Variants in PCDHA10 observed in about 807,000 individuals in gnomAD.
The protein encoded by PCDHA10 is protocadherin alpha-10.
Under a neutral mutation model 61.2 loss-of-function variants are expected in PCDHA10, and 45 were observed. The observed-to-expected ratio is 0.74, with a 90% CI of 0.58 to 0.94. PCDHA10 has a LOEUF of 0.94. Among genes scored for constraint, PCDHA10 ranks in the 40% least tolerant of loss-of-function variants. The pLI, the probability that PCDHA10 is intolerant of heterozygous loss-of-function variation, is 0.00. For synonymous variants in PCDHA10, 602 were observed against 548.8 expected (o/e 1.10, Z -1.35); for missense variants, 1,278 against 1,236.2 (o/e 1.03, Z -0.51).
At chr5:140,886,276 A>T (rs1352172114) in intron 1 of PCDHA10, among the ~76,000 whole-genome samples, 3 of 152,062 alleles carry the variant, frequency 2.0e-5, no homozygotes, top group Admixed American at 1.3e-4. Flanking sequence ...AAAATTTTTT[A>T]AAATTATTTT....
rs183812467 is a variant in PCDHA10, at chr5:140,921,187, A to G, written c.2389-57762A>G. Among the ~76,000 whole-genome samples the G allele has an allele frequency of 1.1e-3, 174 of 152,102 alleles. 2 individuals carry two copies. Among genetic ancestry groups the G allele is most frequent in the Non-Finnish European group, 2.1e-4 (14 of 68,012 alleles). ...AACACACATAAAGCACAGTTTTTTC[A>G]CAATAGATTGACAACGATAATTCAC... On this transcript the variant is annotated intron_variant, in intron 1 of 3. Transcript: ENST00000307360.
intron 3 of PCDHA10, among the ~76,000 whole-genome samples, chr5:141,002,223 T>C (rs2098066619): frequency 6.6e-6 from 1 of 151,974 alleles, no homozygotes. Flanking sequence ...AAATGATGGG[T>C]TTTCTGGAAG....
intron 1 of PCDHA10, chr5:140,929,690 C>T (rs921103809): frequency 1.4e-5 from 4 of 278,364 alleles, no homozygotes; most frequent in Non-Finnish European, 2.8e-5. Context: ...TAAGAGTCTG[C>T]TTTATATGAA....
At position 140,869,840 on chromosome 5, in the gene PCDHA10, A is replaced by T. The variant is rs782569950; in HGVS notation, c.2388+11404A>T. 9 of 1,611,616 alleles carry T rather than the reference A, an allele frequency of 5.6e-6. No homozygotes were observed. The Admixed American group carries it at 1.5e-4, about 27-fold the overall frequency. On this transcript the variant is annotated intron_variant, in intron 1 of 3. Transcript: ENST00000307360. The stretch of plus-strand genomic sequence containing the variant: ...AATGATCCAGAGTTTGATAAATCAG[A>T]ATATAAGGTGAGCCTTATGGAAAAT...
intron 1 of PCDHA10, among the ~76,000 whole-genome samples, chr5:140,963,688 G>A (rs185853589): frequency 5.9e-5 from 9 of 152,274 alleles, no homozygotes; most frequent in Admixed American, 5.9e-4. Context: ...GTTTATCCGT[G>A]TTTGATATCT....
chr5:140,924,901 A>AAAATAAAAT (rs1554202314), intron 1 of PCDHA10, among the ~76,000 whole-genome samples: 2 of 80,456 alleles, frequency 2.5e-5, no homozygotes, highest in African/African-American at 8.6e-5. Context: ...TCTCAAAAAA[A>AAAATAAAAT]AAAATAAAAT....
At chr5:140,994,704 CA>C (rs1294993555) in intron 3 of PCDHA10, among the ~76,000 whole-genome samples, 1 of 150,730 alleles carries the variant, frequency 6.6e-6, no homozygotes, top group Non-Finnish European at 1.5e-5. Flanking sequence ...GACCCTGTCT[CA>C]AAAAAAAATT....
chr5:140,870,190 C>T (rs1554163883), intron 1 of PCDHA10: 15 of 1,614,174 alleles, frequency 9.3e-6, no homozygotes, highest in Non-Finnish European at 1.1e-5. Flanking sequence ...AGAGGACGCT[C>T]AGCCCAGCAC....
chr5:140,988,622 ATGTCCTGGTTTTC>A (rs2097306090), intron 3 of PCDHA10, among the ~76,000 whole-genome samples: 1 of 152,124 alleles, frequency 6.6e-6, no homozygotes, highest in Non-Finnish European at 1.5e-5. Context: ...TAGAATGGAG[ATGTCCTGGTTTTC>A]TGAAATTAAA....
rs994477615 is a variant in PCDHA10 at position 140,861,542 on chromosome 5, C to T, written c.2388+3106C>T. On this transcript the variant is annotated intron_variant, in intron 1 of 3. Coordinates refer to ENST00000307360, the MANE Select transcript of PCDHA10 (RefSeq NM_018901.4). ...GGAGGATCTCGGAGTGCAGCATCCA[C>T]CTGGAAGTGATCGTGGACAAGCTGC... is the stretch of plus-strand genomic sequence containing the variant. The T allele has an allele frequency of 4.0e-5, 17 of 424,962 alleles. No homozygotes were observed. In the East Asian group the frequency reaches 1.2e-3, roughly 30 times the overall value. The allele number at this position is 424,962 out of a possible 1,614,324, so 26.3% of individuals were successfully genotyped here.
chr5:140,871,543 T>A (rs2053164172), intron 1 of PCDHA10: 2 of 1,503,536 alleles, frequency 1.3e-6, no homozygotes, highest in Non-Finnish European at 1.8e-6. Flanking sequence ...GTGAAATTAT[T>A]TAAAATCCAG....
At position 141,010,447 on chromosome 5, in the gene PCDHA10, A is replaced by G. The variant is rs1343052000; in HGVS notation, c.*510A>G. On this transcript the variant is annotated 3_prime_UTR_variant, in exon 4 of 4. Coordinates refer to ENST00000307360, the MANE Select transcript of PCDHA10 (RefSeq NM_018901.4). Reference sequence around the variant, plus strand: ...GGCAAGAAAACAAAGACAAATAAACAGCGGAAGTTATCAGTATGGAGGGGA... The same window carrying G: ...GGCAAGAAAACAAAGACAAATAAACGGCGGAAGTTATCAGTATGGAGGGGA... 2 of 935,278 alleles carry G rather than the reference A, an allele frequency of 2.1e-6. No homozygotes were observed. Among genetic ancestry groups the G allele is most frequent in the Non-Finnish European group, 3.1e-6 (2 of 648,428 alleles). The allele number at this position is 935,278 out of a possible 1,614,324, so 57.9% of individuals were successfully genotyped here.
At chr5:140,861,631 C>A (rs960525062) in intron 1 of PCDHA10, 2 of 314,942 alleles carry the variant, frequency 6.4e-6, no homozygotes, top group Non-Finnish European at 1.3e-5. Context: ...GTGTTCTCAG[C>A]AACACAAAAG....
chr5:140,924,318 G>C (rs550515387), intron 1 of PCDHA10, among the ~76,000 whole-genome samples: 71 of 152,282 alleles, frequency 4.7e-4, no homozygotes, highest in African/African-American at 1.3e-3. Context: ...AATTTTATCT[G>C]AGACTTGGTG....
At chr5:140,936,773 C>T (rs916525557) in intron 1 of PCDHA10, among the ~76,000 whole-genome samples, 3 of 152,280 alleles carry the variant, frequency 2.0e-5, no homozygotes, top group African/African-American at 7.2e-5. Context: ...TGTAAGTTCT[C>T]TCACTTTGTT....
intron 1 of PCDHA10, chr5:140,966,215 A>G (rs1554228144): frequency 4.1e-6 from 1 of 244,868 alleles, no homozygotes; most frequent in Non-Finnish European, 7.7e-6. Flanking sequence ...CTTTTCCCAG[A>G]CTAATCTCCT....
chr5:140,877,288 T>G (rs782747810), intron 1 of PCDHA10: 3 of 1,613,908 alleles, frequency 1.9e-6, no homozygotes, highest in East Asian at 4.5e-5. Flanking sequence ...CTATAACGCT[T>G]GGCTGTCCTA....
intron 3 of PCDHA10, among the ~76,000 whole-genome samples, chr5:140,993,704 A>G (rs1032326931): frequency 3.3e-5 from 5 of 152,172 alleles, no homozygotes; most frequent in African/African-American, 1.2e-4. Flanking sequence ...TTGTAATACC[A>G]TATTTTTACT....
chr5:140,869,284 C>T, intron 1 of PCDHA10: 1 of 1,613,582 alleles, frequency 6.2e-7, no homozygotes, highest in Non-Finnish European at 8.5e-7. Flanking sequence ...GGAGCTGGTG[C>T]AGCGCCTGTT....
Sources: gnomAD v4.1 joint callset for allele counts (sites outside exome capture counted in the v4.1 genomes callset) on GRCh38, gnomAD v4.1.1 for gene constraint, MANE v1.5 for transcripts, NCBI Gene and HGNC (gene_info 2026-07-23, HGNC 2026-07-21) for gene names.